FAF1: variants seen among roughly 807,000 people sequenced by gnomAD.
The protein encoded by FAF1 is Fas associated factor 1.
Under a neutral mutation model 92.5 loss-of-function variants are expected in FAF1, and 25 were observed. The ratio of observed to expected loss-of-function variants is 0.27; its 90% CI spans 0.20 to 0.38. The LOEUF is 0.38. Among genes scored for constraint, FAF1 ranks in the 10% least tolerant of loss-of-function variants. The pLI, the probability that FAF1 is intolerant of heterozygous loss-of-function variation, is 1.00. For synonymous variants in FAF1, 234 were observed against 273.2 expected (o/e 0.86, Z 1.42); for missense variants, 636 against 793.3 (o/e 0.80, Z 2.38).
intron 1 of FAF1, among the ~76,000 whole-genome samples, chr1:50,903,974 A>C (rs1205661745): frequency 6.6e-6 from 1 of 152,222 alleles, no homozygotes; most frequent in African/African-American, 2.4e-5. Context: ...CCCTCAAAAA[A>C]TTAAATTTAG....
Position 50,529,212 on chromosome 1 carries a change from G to C in FAF1, c.1494+6157C>G, listed in dbSNP as rs1648005287. Among the ~76,000 whole-genome samples, 4 of 152,092 alleles carry C rather than the reference G, an allele frequency of 2.6e-5. No individual in the cohort carries two copies. The South Asian group carries it at 8.3e-4, about 32-fold the overall frequency. Reference sequence around the variant, plus strand: ...ATACTATATTCATCATTACTTTTATGTTTCAATGAACCATTGTTGAGCCAT... The same window carrying C: ...ATACTATATTCATCATTACTTTTATCTTTCAATGAACCATTGTTGAGCCAT... On this transcript the variant is annotated intron_variant, in intron 15 of 18. Transcript: ENST00000396153.
At chr1:50,492,007 A>G (rs1363264927) in intron 15 of FAF1, among the ~76,000 whole-genome samples, 3 of 152,226 alleles carry the variant, frequency 2.0e-5, no homozygotes, top group Non-Finnish European at 4.4e-5. Flanking sequence ...TTTGAATCCT[A>G]ACTCTACAAA....
intron 1 of FAF1, among the ~76,000 whole-genome samples, chr1:50,923,222 C>T (rs146508131): frequency 7.9e-5 from 12 of 152,156 alleles, no homozygotes; most frequent in East Asian, 7.7e-4. Flanking sequence ...AGTTCATGAC[C>T]GGCCTGGGCA....
intron 4 of FAF1, among the ~76,000 whole-genome samples, chr1:50,765,795 A>G (rs1419328259): frequency 6.6e-6 from 1 of 152,188 alleles, no homozygotes; most frequent in Non-Finnish European, 1.5e-5. Flanking sequence ...TCAACATTAA[A>G]AAGAGTAAAA....
chr1:50,644,480 T>C (rs781674089), intron 8 of FAF1, among the ~76,000 whole-genome samples: 5 of 152,236 alleles, frequency 3.3e-5, no homozygotes, highest in African/African-American at 9.6e-5. Flanking sequence ...AGCTAAAGAC[T>C]TGGGGAACCC....
At chr1:50,852,629 C>T (rs1278983603) in intron 2 of FAF1, among the ~76,000 whole-genome samples, 2 of 152,062 alleles carry the variant, frequency 1.3e-5, no homozygotes, top group African/African-American at 2.4e-5. Flanking sequence ...TGTGGTTTAC[C>T]GCTATGACAA....
At chr1:50,519,529 G>A (rs1260259115) in intron 15 of FAF1, among the ~76,000 whole-genome samples, 2 of 152,022 alleles carry the variant, frequency 1.3e-5, no homozygotes, top group African/African-American at 4.8e-5. Context: ...TGATAGGGGC[G>A]TTTTGCCTAT....
At chr1:50,824,484 G>A (rs887517349) in intron 2 of FAF1, among the ~76,000 whole-genome samples, 9 of 148,566 alleles carry the variant, frequency 6.1e-5, no homozygotes, top group African/African-American at 1.5e-4. Context: ...TGATTAATGC[G>A]AAAAAAAAAG....
intron 1 of FAF1, 23 bp from the exon 2 acceptor site, chr1:50,858,020 T>C (rs776023214): frequency 6.5e-7 from 1 of 1,547,702 alleles, no homozygotes; most frequent in Admixed American, 1.9e-5. Flanking sequence ...TAAATAAGCA[T>C]TTTACATATA....
At chr1:50,547,650 G>A (rs1315654522) in intron 13 of FAF1, among the ~76,000 whole-genome samples, 2 of 152,096 alleles carry the variant, frequency 1.3e-5, no homozygotes, top group Non-Finnish European at 2.9e-5. Flanking sequence ...CTGACCTCAG[G>A]TGATCCACCT....
intron 5 of FAF1, among the ~76,000 whole-genome samples, chr1:50,740,597 C>A (rs1231169451): frequency 6.6e-6 from 1 of 151,844 alleles, no homozygotes; most frequent in Non-Finnish European, 1.5e-5. Flanking sequence ...TTTTTCATTT[C>A]TTTCTTCTTC....
At chr1:50,616,029 G>A (rs2124154772) in intron 8 of FAF1, among the ~76,000 whole-genome samples, 1 of 152,206 alleles carries the variant, frequency 6.6e-6, no homozygotes, top group African/African-American at 2.4e-5. Context: ...GATAATTTTT[G>A]TATATTATAA....
At chr1:50,896,880 AT>A (rs1644761561) in intron 1 of FAF1, among the ~76,000 whole-genome samples, 1 of 152,176 alleles carries the variant, frequency 6.6e-6, no homozygotes, top group Non-Finnish European at 1.5e-5. Context: ...TGGTTGCACA[AT>A]TTAACTATAC....
intron 17 of FAF1, among the ~76,000 whole-genome samples, 177 bp from the exon 18 acceptor site, chr1:50,475,856 AAT>A (rs1325566073): frequency 6.6e-6 from 1 of 152,196 alleles, no homozygotes; most frequent in Non-Finnish European, 1.5e-5. Flanking sequence ...TCATTTTCTT[AAT>A]ATTAGTCCAA....
chr1:50,945,186 T>C (rs1444939034), intron 1 of FAF1, among the ~76,000 whole-genome samples: 1 of 152,188 alleles, frequency 6.6e-6, no homozygotes, highest in Non-Finnish European at 1.5e-5. Flanking sequence ...GGTGCACTAC[T>C]GTTAGACTGC....
chr1:50,779,507 C>T (rs559392959), intron 4 of FAF1, among the ~76,000 whole-genome samples: 10 of 151,584 alleles, frequency 6.6e-5, no homozygotes, highest in South Asian at 2.1e-4. Flanking sequence ...TGTTAGCAGG[C>T]GGGAAGATAC....
intron 2 of FAF1, among the ~76,000 whole-genome samples, 178 bp from the exon 3 acceptor site, chr1:50,801,855 T>C (rs1044120389): frequency 1.3e-5 from 2 of 152,232 alleles, no homozygotes; most frequent in African/African-American, 2.4e-5. Context: ...AGTTATAAAA[T>C]TGTATTTTAG....
At chr1:50,622,164 CA>C (rs529143892) in intron 8 of FAF1, among the ~76,000 whole-genome samples, 542 of 116,536 alleles carry the variant, frequency 4.7e-3, no homozygotes, top group South Asian at 9.8e-3. Flanking sequence ...GACTCCATCT[CA>C]AAAAAAAAAA....
rs142774985 is a variant in FAF1, at chr1:50,724,255, AC to A, written c.551+14607del. On this transcript the variant is annotated intron_variant, in intron 6 of 18. Transcript: ENST00000396153. Reference sequence around the variant, plus strand: ...TGTCTTTCAAAAAAAAAAAAAAAAAACAACCATATATATATACATATACACA... The same window carrying A: ...TGTCTTTCAAAAAAAAAAAAAAAAAAAACCATATATATATACATATACACA... Among the ~76,000 whole-genome samples, 682 of 139,406 alleles carry A rather than the reference AC, an allele frequency of 4.9e-3. 9 individuals carry two copies. Among genetic ancestry groups the A allele is most frequent in the African/African-American group, 0.017 (601 of 35,128 alleles). The allele number at this position is 139,406 out of a possible 152,430, so 91.5% of individuals were successfully genotyped here.
Sources: gnomAD v4.1 joint callset for allele counts (sites outside exome capture counted in the v4.1 genomes callset) on GRCh38, gnomAD v4.1.1 for gene constraint, MANE v1.5 for transcripts, NCBI Gene and HGNC (gene_info 2026-07-23, HGNC 2026-07-21) for gene names.